EXOC4: variants seen among roughly 807,000 people sequenced by gnomAD.
EXOC4 encodes the protein exocyst complex component 4.
A neutral mutation model predicts 107.2 loss-of-function variants in EXOC4; 71 were observed. The observed-to-expected ratio is 0.66, with a 90% CI of 0.55 to 0.81. The LOEUF (loss-of-function observed/expected upper bound fraction) is 0.81. Ranked by LOEUF, EXOC4 falls within the 30% of genes least tolerant of loss-of-function variation. The pLI is 0.00. For missense variants in EXOC4, 1,108 were observed against 1,189.6 expected (o/e 0.93, Z 1.01); for synonymous variants, 456 against 441.2 (o/e 1.03, Z -0.42).
chr7:134,039,542 A>T (rs1173309493), intron 17 of EXOC4, among the ~76,000 whole-genome samples: 1 of 152,298 alleles, frequency 6.6e-6, no homozygotes, highest in African/African-American at 2.4e-5. Flanking sequence ...AAATAAAATC[A>T]TATTTCCAGG....
intron 10 of EXOC4, among the ~76,000 whole-genome samples, chr7:133,648,177 T>G (rs1410553277): frequency 6.6e-6 from 1 of 152,234 alleles, no homozygotes; most frequent in African/African-American, 2.4e-5. Context: ...AGAAAATTGA[T>G]CTGCACAGAT....
intron 2 of EXOC4, among the ~76,000 whole-genome samples, chr7:133,280,436 C>T (rs952790003): frequency 6.6e-6 from 1 of 152,106 alleles, no homozygotes; most frequent in African/African-American, 2.4e-5. Flanking sequence ...TGGTATGTTT[C>T]TCTGTGGTGT....
chr7:133,471,532 G>A (rs1212769228), intron 7 of EXOC4, among the ~76,000 whole-genome samples: 4 of 152,092 alleles, frequency 2.6e-5, no homozygotes, highest in African/African-American at 9.7e-5. Context: ...AAACAATGAA[G>A]CAAACAAACA....
chr7:133,397,535 A>C (rs1367768351), intron 7 of EXOC4, among the ~76,000 whole-genome samples: 1 of 152,234 alleles, frequency 6.6e-6, no homozygotes, highest in South Asian at 2.1e-4. Context: ...TCTGTAAACT[A>C]TTGCTGTGTC....
At chr7:133,914,567 T>A (rs939688931) in intron 12 of EXOC4, among the ~76,000 whole-genome samples, 1 of 152,064 alleles carries the variant, frequency 6.6e-6, no homozygotes, top group South Asian at 2.1e-4. Context: ...TCATGTGATA[T>A]GTGCAAGTAA....
At chr7:133,330,486 G>A (rs1474375912) in intron 5 of EXOC4, among the ~76,000 whole-genome samples, 1 of 152,166 alleles carries the variant, frequency 6.6e-6, no homozygotes, top group African/African-American at 2.4e-5. Flanking sequence ...AATAAAAACT[G>A]CAGCTAGCTC....
intron 11 of EXOC4, among the ~76,000 whole-genome samples, chr7:133,838,943 G>C (rs1050970085): frequency 6.6e-6 from 1 of 152,156 alleles, no homozygotes. Context: ...CAATGTATTT[G>C]AAGTGATTTG....
At chr7:133,262,566 A>T (rs2150507841) in intron 1 of EXOC4, among the ~76,000 whole-genome samples, 1 of 152,292 alleles carries the variant, frequency 6.6e-6, no homozygotes, top group Admixed American at 6.5e-5. Context: ...AATAAAATAG[A>T]ATATAATTAA....
At chr7:133,917,985 CT>C (rs779537433) in intron 13 of EXOC4, among the ~76,000 whole-genome samples, 396 of 141,932 alleles carry the variant, frequency 2.8e-3, no homozygotes, top group African/African-American at 3.4e-3. Flanking sequence ...ATTAAAATAT[CT>C]TTTTTTTTTT....
At chr7:133,623,116 ATCAGCCCCTTTCCCT>A (rs1315998718) in intron 9 of EXOC4, among the ~76,000 whole-genome samples, 2 of 152,194 alleles carry the variant, frequency 1.3e-5, no homozygotes, top group African/African-American at 4.8e-5. Context: ...GTAAATCAGA[ATCAGCCCCTTTCCCT>A]TCTTTTCCTT....
intron 9 of EXOC4, chr7:133,601,883 G>C (rs924579214): frequency 4.6e-5 from 7 of 152,284 alleles, no homozygotes; most frequent in South Asian, 2.1e-4. Context: ...TGTGTTGCCA[G>C]CTTGGCACTG....
intron 10 of EXOC4, among the ~76,000 whole-genome samples, chr7:133,641,035 A>T (rs1802842168): frequency 6.6e-6 from 1 of 152,124 alleles, no homozygotes; most frequent in Admixed American, 6.6e-5. Flanking sequence ...GCCAACATTA[A>T]TATGTAGGCT....
At chr7:133,801,670 A>G (rs1338306582) in intron 10 of EXOC4, among the ~76,000 whole-genome samples, 2 of 152,200 alleles carry the variant, frequency 1.3e-5, no homozygotes, top group Non-Finnish European at 2.9e-5. Flanking sequence ...CACATAGTCT[A>G]ATTATTCTTC....
At chr7:133,904,312 A>AACTG (rs1585237381) in intron 12 of EXOC4, among the ~76,000 whole-genome samples, 1 of 152,282 alleles carries the variant, frequency 6.6e-6, no homozygotes, top group East Asian at 1.9e-4. Context: ...AGGGGTGTGC[A>AACTG]ACTGGAGTGA....
intron 10 of EXOC4, among the ~76,000 whole-genome samples, chr7:133,648,661 T>A (rs1252391913): frequency 2.0e-5 from 3 of 152,142 alleles, no homozygotes; most frequent in African/African-American, 7.2e-5. Flanking sequence ...TAGTCTTACA[T>A]GAGGAGGAGT....
chr7:134,018,621 C>G (rs1281245945), intron 17 of EXOC4, among the ~76,000 whole-genome samples: 1 of 151,184 alleles, frequency 6.6e-6, no homozygotes, highest in South Asian at 2.1e-4. Context: ...TTTTATAATC[C>G]TTTTTTTTTA....
At chr7:133,386,687 A>G (rs1796734883) in intron 7 of EXOC4, among the ~76,000 whole-genome samples, 1 of 152,220 alleles carries the variant, frequency 6.6e-6, no homozygotes, top group Non-Finnish European at 1.5e-5. Flanking sequence ...TAGGATATTA[A>G]TATTTTATGC....
chr7:133,358,095 C>T (rs1483203436), intron 6 of EXOC4, among the ~76,000 whole-genome samples: 1 of 151,936 alleles, frequency 6.6e-6, no homozygotes, highest in Non-Finnish European at 1.5e-5. Flanking sequence ...GTCTGAGGCA[C>T]AAGAATTGCT....
chr7:133,296,106 C>T (rs1470474521), intron 3 of EXOC4, among the ~76,000 whole-genome samples: 1 of 152,108 alleles, frequency 6.6e-6, no homozygotes, highest in African/African-American at 2.4e-5. Flanking sequence ...ATATTCTAAG[C>T]TAATAATTTA....
Sources: gnomAD v4.1 joint callset for allele counts (sites outside exome capture counted in the v4.1 genomes callset) on GRCh38, gnomAD v4.1.1 for gene constraint, MANE v1.5 for transcripts, NCBI Gene and HGNC (gene_info 2026-07-23, HGNC 2026-07-21) for gene names.